The following FRMPD1 variants were observed in gnomAD, a reference collection of about 807,000 sequenced individuals.
FRMPD1 encodes the protein FERM and PDZ domain-containing protein 1.
FRMPD1 carries 76 observed loss-of-function variants against 117.8 expected under a neutral mutation model. The observed-to-expected ratio is 0.65, with a 90% CI of 0.54 to 0.78. FRMPD1 has a LOEUF of 0.78. Among genes scored for constraint, FRMPD1 ranks in the 30% least tolerant of loss-of-function variants. The probability of loss-of-function intolerance (pLI) is 0.00; values close to 1 mark genes in which losing one functional copy is unlikely to be tolerated. For synonymous variants in FRMPD1, 783 were observed against 770.4 expected (o/e 1.02, Z -0.27); for missense variants, 1,786 against 1,964.5 (o/e 0.91, Z 1.72).
the FRMPD1 span, among the ~76,000 whole-genome samples, chr9:37,640,969 C>G: frequency 6.6e-6 from 1 of 152,170 alleles, no homozygotes; most frequent in Non-Finnish European, 1.5e-5. Context: ...CTCACTGCAG[C>G]CTTGACCTCC....
intron 1 of FRMPD1, among the ~76,000 whole-genome samples, chr9:37,671,456 T>C (rs4878168): frequency 0.63 from 95,608 of 152,072 alleles, 31,749 homozygotes; most frequent in African/African-American, 0.85. Context: ...AGTCATTCAA[T>C]GAGTATTTAG....
At chr9:37,738,670 G>C (rs922677052) in intron 14 of FRMPD1, among the ~76,000 whole-genome samples, 1 of 152,284 alleles carries the variant, frequency 6.6e-6, no homozygotes, top group African/African-American at 2.4e-5. Context: ...ATGTATTTAT[G>C]AACGAGGGGT....
chr9:37,676,324 T>G (rs2117881773), intron 1 of FRMPD1, among the ~76,000 whole-genome samples: 1 of 152,260 alleles, frequency 6.6e-6, no homozygotes, highest in South Asian at 2.1e-4. Context: ...TGCATAGTGT[T>G]TTCCTGTTTT....
chr9:37,699,319 C>CTT (rs1822448718), intron 2 of FRMPD1, among the ~76,000 whole-genome samples: 1 of 133,308 alleles, frequency 7.5e-6, no homozygotes, highest in Non-Finnish European at 1.8e-5. Context: ...CTCTGTCTCT[C>CTT]TCTTTTTTTT....
At chr9:37,738,179 A>G (rs566162678) in intron 14 of FRMPD1, among the ~76,000 whole-genome samples, 6 of 152,356 alleles carry the variant, frequency 3.9e-5, no homozygotes, top group South Asian at 4.1e-4. Flanking sequence ...ATATGATGAT[A>G]CCATGATGAA....
chr9:37,717,541 G>A lies in FRMPD1; in HGVS notation c.409-1528G>A, dbSNP rs568575516. On this transcript the variant is annotated intron_variant, in intron 5 of 15. Coordinates refer to ENST00000377765, the MANE Select transcript of FRMPD1 (RefSeq NM_014907.3). ...ACTAAAGGCATGCACCACCACGCTC[G>A]GCTAATTTTTGTATTTTTAATAGAG... Among the ~76,000 whole-genome samples the A allele has an allele frequency of 1.1e-4, 17 of 151,560 alleles. 1 individual carries two copies. Among genetic ancestry groups the A allele is most frequent in the Admixed American group, 7.2e-4 (11 of 15,180 alleles).
chr9:37,624,934 T>G, the FRMPD1 span, among the ~76,000 whole-genome samples: 3 of 152,230 alleles, frequency 2.0e-5, no homozygotes, highest in Non-Finnish European at 4.4e-5. Context: ...TTTCTTACTG[T>G]GAGATTTTTA....
intron 1 of FRMPD1, among the ~76,000 whole-genome samples, chr9:37,666,921 C>A (rs1219302317): frequency 6.6e-6 from 1 of 152,178 alleles, no homozygotes; most frequent in Admixed American, 6.5e-5. Flanking sequence ...CACTGAGGCC[C>A]TTTGCTGCCT....
chr9:37,663,676 A>G (rs1436487408), intron 1 of FRMPD1, among the ~76,000 whole-genome samples: 2 of 152,190 alleles, frequency 1.3e-5, no homozygotes, highest in Non-Finnish European at 2.9e-5. Context: ...TTGTCTATAT[A>G]GTCATCCTTC....
the FRMPD1 span, among the ~76,000 whole-genome samples, chr9:37,644,774 G>A: frequency 2.6e-5 from 4 of 152,170 alleles, no homozygotes; most frequent in Non-Finnish European, 4.4e-5. Context: ...GGATTGTCAT[G>A]TGTGTCCTGC....
At chr9:37,726,076 T>C (rs1481465198) in intron 7 of FRMPD1, among the ~76,000 whole-genome samples, 1 of 151,922 alleles carries the variant, frequency 6.6e-6, no homozygotes, top group African/African-American at 2.4e-5. Context: ...ACAGAGAGAG[T>C]TGGGGAAATG....
the FRMPD1 span, among the ~76,000 whole-genome samples, chr9:37,637,569 T>C: frequency 3.3e-5 from 5 of 152,170 alleles, no homozygotes; most frequent in African/African-American, 1.2e-4. Context: ...CAAGCACTAA[T>C]CTGTTTTCTG....
intron 1 of FRMPD1, among the ~76,000 whole-genome samples, chr9:37,691,819 A>G (rs561526835): frequency 6.6e-6 from 1 of 152,340 alleles, no homozygotes; most frequent in East Asian, 1.9e-4. Context: ...AGGCAGGAGA[A>G]TAACTTGAAC....
In FRMPD1 at chr9:37,746,259, A is replaced by G. The variant is rs1187418322; in HGVS notation, c.4227A>G (p.Arg1409=). Reference sequence around the variant, plus strand: ...CAGAGTACTGCTCCAGGGCACTGAGACAGCTGAAAGCCACCCCTGCCAGCA... The same window carrying G: ...CAGAGTACTGCTCCAGGGCACTGAGGCAGCTGAAAGCCACCCCTGCCAGCA... ...IWPEYCSRAL[R]QLKATPASTP... The change falls in exon 16 of 16, where the codon AGA becomes AGG. Residue 1409 remains arginine, a synonymous_variant. Transcript: ENST00000377765. 6.2e-7 allele frequency: 1 copy of G among 1,612,848 alleles called. No homozygotes were observed. The highest frequency in any genetic ancestry group is 8.5e-7 in the Non-Finnish European group (1 of 1,179,862).
chr9:37,728,468 T>C (rs1484070385), intron 7 of FRMPD1, among the ~76,000 whole-genome samples: 1 of 152,124 alleles, frequency 6.6e-6, no homozygotes, highest in Non-Finnish European at 1.5e-5. Context: ...GAAAGTATAC[T>C]GGGCAGAGGG....
chr9:37,705,960 AAAATAAATAAATAAATAAATAAAT>A (rs59737991), intron 2 of FRMPD1, among the ~76,000 whole-genome samples: 3 of 139,024 alleles, frequency 2.2e-5, no homozygotes, highest in African/African-American at 5.5e-5. Context: ...ACCCTCCCTC[AAAATAAATAAATAAATAAATAAAT>A]AAATAAATAA....
the FRMPD1 span, among the ~76,000 whole-genome samples, chr9:37,629,653 A>G: frequency 6.6e-6 from 1 of 152,300 alleles, no homozygotes; most frequent in East Asian, 1.9e-4. Context: ...ACTTTACTGG[A>G]CCTCTTTATA....
intron 1 of FRMPD1, among the ~76,000 whole-genome samples, chr9:37,663,383 G>T (rs779997698): frequency 2.6e-5 from 4 of 152,172 alleles, no homozygotes; most frequent in Non-Finnish European, 5.9e-5. Flanking sequence ...GATGCAGGGG[G>T]AGGGGGCTGA....
In FRMPD1 at chr9:37,732,834, G is replaced by A. The variant is rs75833454; in HGVS notation, c.995+394G>A. 1.3e-3 allele frequency among the ~76,000 whole-genome samples: 192 copies of A among 152,284 alleles called. 3 individuals carry two copies. The East Asian group carries it at 0.034, about 27-fold the overall frequency. ...CCACTAGAGCAGTTTCAAGTCCTAC[G>A]ATTCCAGCACCTTCTGATTCTTAGC... On this transcript the variant is annotated intron_variant, in intron 10 of 15. Coordinates refer to ENST00000377765, the MANE Select transcript of FRMPD1 (RefSeq NM_014907.3).
Sources: gnomAD v4.1 joint callset for allele counts (sites outside exome capture counted in the v4.1 genomes callset) on GRCh38, gnomAD v4.1.1 for gene constraint, MANE v1.5 for transcripts, NCBI Gene and HGNC (gene_info 2026-07-23, HGNC 2026-07-21) for gene names.